The following MAST4 variants were observed in gnomAD, a reference collection of about 807,000 sequenced individuals.
The protein encoded by MAST4 is microtubule associated serine/threonine kinase family member 4.
Under a neutral mutation model 162.7 loss-of-function variants are expected in MAST4, and 89 were observed. That is an observed-to-expected ratio of 0.55 (90% CI 0.46 to 0.65). The LOEUF is 0.65. Ranked by LOEUF, MAST4 falls within the 30% of genes least tolerant of loss-of-function variation. MAST4 has a pLI of 0.00. For missense variants in MAST4, 3,153 were observed against 3,374.0 expected (o/e 0.93, Z 1.62); for synonymous variants, 1,479 against 1,361.1 (o/e 1.09, Z -1.91).
chr5:66,859,689 G>C (rs1016906951), intron 3 of MAST4, among the ~76,000 whole-genome samples: 1 of 152,218 alleles, frequency 6.6e-6, no homozygotes, highest in Non-Finnish European at 1.5e-5. Context: ...GCTTGTCATT[G>C]AGTGCAATAT....
intron 2 of MAST4, among the ~76,000 whole-genome samples, chr5:66,787,938 C>A (rs574318197): frequency 2.6e-5 from 4 of 152,264 alleles, no homozygotes; most frequent in Admixed American, 6.5e-5. Flanking sequence ...TTCCTGAAGT[C>A]AAAAACTATC....
intron 4 of MAST4, among the ~76,000 whole-genome samples, chr5:66,918,913 G>A (rs1395698314): frequency 6.6e-6 from 1 of 152,134 alleles, no homozygotes; most frequent in Non-Finnish European, 1.5e-5. Flanking sequence ...GACCAGCTTG[G>A]CCAACATGGC....
chr5:66,851,067 A>G (rs1380823195), intron 3 of MAST4, among the ~76,000 whole-genome samples: 1 of 152,008 alleles, frequency 6.6e-6, no homozygotes, highest in East Asian at 1.9e-4. Flanking sequence ...ACATTTCCCC[A>G]TGGATGATAA....
intron 1 of MAST4, among the ~76,000 whole-genome samples, chr5:66,750,981 C>T (rs1163432781): frequency 6.6e-6 from 1 of 152,162 alleles, no homozygotes; most frequent in Non-Finnish European, 1.5e-5. Context: ...CAAGTGGGTC[C>T]CTGACCCCTG....
chr5:66,705,686 A>AT (rs141724350), intron 1 of MAST4, among the ~76,000 whole-genome samples: 3,743 of 152,282 alleles, frequency 0.025, 161 homozygotes, highest in African/African-American at 0.086. Context: ...AAGCTTCATG[A>AT]TTTTTTAATC....
At chr5:67,045,341 G>A (rs918848608) in intron 4 of MAST4, among the ~76,000 whole-genome samples, 1 of 152,178 alleles carries the variant, frequency 6.6e-6, no homozygotes, top group Non-Finnish European at 1.5e-5. Flanking sequence ...AATATGACAA[G>A]GTGAATGTCA....
chr5:66,732,317 A>T (rs776872404), intron 1 of MAST4, among the ~76,000 whole-genome samples: 24 of 151,504 alleles, frequency 1.6e-4, no homozygotes, highest in Non-Finnish European at 2.1e-4. Flanking sequence ...CCCAAGCCTC[A>T]TTTTCTGGCC....
At position 67,165,779 on chromosome 5, in the gene MAST4, G is replaced by A. The variant is rs762010467; in HGVS notation, c.6600G>A (p.Pro2200=). 2.2e-4 allele frequency: 352 copies of A among 1,604,334 alleles called. 3 individuals carry two copies. Among genetic ancestry groups the A allele is most frequent in the South Asian group, 1.2e-3 (110 of 89,998 alleles). Residue 2200 remains proline, a synonymous_variant, in exon 29 of 29, where the codon CCG becomes CCA. Coordinates refer to ENST00000403625, the MANE Select transcript of MAST4 (RefSeq NM_001164664.2). ...SSHKPRPGPD[P]GPPKTKHPDR... is the part of the protein sequence containing the mutation. ...ACAAGCCCCGGCCTGGCCCTGACCC[G>A]GGCCCTCCAAAGACTAAGCACCCCG...
At chr5:66,636,982 A>G (rs1195453648) in intron 1 of MAST4, among the ~76,000 whole-genome samples, 1 of 152,090 alleles carries the variant, frequency 6.6e-6, no homozygotes, top group African/African-American at 2.4e-5. Context: ...AAAAATAATC[A>G]TTTGTATATA....
At chr5:66,747,727 G>T (rs1561302187) in intron 1 of MAST4, among the ~76,000 whole-genome samples, 1 of 151,972 alleles carries the variant, frequency 6.6e-6, no homozygotes, top group Non-Finnish European at 1.5e-5. Context: ...GTGTAGGGCG[G>T]GGGTTCTCAA....
At chr5:67,082,817 AAAGT>A in intron 5 of MAST4, among the ~76,000 whole-genome samples, 2 of 152,350 alleles carry the variant, frequency 1.3e-5, no homozygotes, top group South Asian at 2.1e-4. Flanking sequence ...AAATAGTAAT[AAAGT>A]AATTGTAAAT....
intron 4 of MAST4, among the ~76,000 whole-genome samples, chr5:66,980,256 C>T (rs1165024202): frequency 1.3e-5 from 2 of 152,198 alleles, no homozygotes; most frequent in Non-Finnish European, 2.9e-5. Context: ...ATGCTAGATG[C>T]ATGACAACGC....
intron 7 of MAST4, among the ~76,000 whole-genome samples, chr5:67,097,497 A>G (rs1400664072): frequency 6.6e-6 from 1 of 152,088 alleles, no homozygotes; most frequent in Admixed American, 6.6e-5. Flanking sequence ...TGGCTCTTTT[A>G]AAGGAATTTA....
chr5:66,755,073 T>A lies in MAST4; in HGVS notation c.364-4636T>A, dbSNP rs7727268. 7.1e-3 allele frequency among the ~76,000 whole-genome samples: 1,079 copies of A among 152,166 alleles called. 10 individuals are homozygous for A. Among genetic ancestry groups the A allele is most frequent in the African/African-American group, 0.025 (1,036 of 41,514 alleles). On this transcript the variant is annotated intron_variant, in intron 1 of 28. Coordinates refer to ENST00000403625, the MANE Select transcript of MAST4 (RefSeq NM_001164664.2). ...AGCATCTGGCTTCATTTTAGAAGGG[T>A]CACTGCTGTGGTTCTGAGAGGATGG...
chr5:67,003,830 G>A (rs568656695), intron 4 of MAST4: 71 of 152,232 alleles, frequency 4.7e-4, no homozygotes, highest in African/African-American at 1.7e-3. Flanking sequence ...TTCCACATCG[G>A]GGCTCACCAT....
chr5:66,663,707 A>C (rs775794523), intron 1 of MAST4, among the ~76,000 whole-genome samples: 1 of 152,162 alleles, frequency 6.6e-6, no homozygotes, highest in Admixed American at 6.5e-5. Flanking sequence ...CAGAGAGATA[A>C]TGGGGCAGAT....
At chr5:67,148,129 G>A (rs1202806235) in intron 23 of MAST4, among the ~76,000 whole-genome samples, 3 of 152,164 alleles carry the variant, frequency 2.0e-5, no homozygotes, top group Non-Finnish European at 4.4e-5. Flanking sequence ...GTGTCATATG[G>A]TCAGCACTTC....
intron 1 of MAST4, among the ~76,000 whole-genome samples, chr5:66,693,456 A>G (rs1261210035): frequency 6.6e-6 from 1 of 152,222 alleles, no homozygotes; most frequent in Admixed American, 6.5e-5. Context: ...GAAATTGTTG[A>G]ACTACCAAGT....
At chr5:66,992,132 T>A (rs1750132147) in intron 4 of MAST4, among the ~76,000 whole-genome samples, 1 of 152,222 alleles carries the variant, frequency 6.6e-6, no homozygotes, top group South Asian at 2.1e-4. Context: ...TTTTTCTGTA[T>A]GCATGCGTGA....
Sources: gnomAD v4.1 joint callset for allele counts (sites outside exome capture counted in the v4.1 genomes callset) on GRCh38, gnomAD v4.1.1 for gene constraint, MANE v1.5 for transcripts, NCBI Gene and HGNC (gene_info 2026-07-23, HGNC 2026-07-21) for gene names.